The following NELL1 variants were observed in gnomAD, a reference collection of about 807,000 sequenced individuals.
NELL1 encodes the protein protein kinase C-binding protein NELL1.
A neutral mutation model predicts 107.4 loss-of-function variants in NELL1; 76 were observed. The observed-to-expected ratio is 0.71, with a 90% CI of 0.59 to 0.86. The LOEUF is 0.86. Ranked by LOEUF, NELL1 falls within the 40% of genes least tolerant of loss-of-function variation. The pLI is 0.00. For missense variants in NELL1, 1,024 were observed against 1,005.5 expected (o/e 1.02, Z -0.25); for synonymous variants, 353 against 341.2 (o/e 1.03, Z -0.38).
intron 14 of NELL1, among the ~76,000 whole-genome samples, chr11:21,259,246 C>T (rs771781368): frequency 4.6e-5 from 7 of 151,678 alleles, no homozygotes; most frequent in Admixed American, 6.6e-5. Flanking sequence ...GATGGAGAAA[C>T]GTTTGATAAC....
At chr11:20,706,098 G>C (rs1854944606) in intron 2 of NELL1, among the ~76,000 whole-genome samples, 1 of 152,190 alleles carries the variant, frequency 6.6e-6, no homozygotes, top group African/African-American at 2.4e-5. Context: ...CATTGTGGAA[G>C]ACAGTGTGGC....
chr11:20,815,717 A>G (rs959697212), intron 3 of NELL1, among the ~76,000 whole-genome samples: 1 of 152,108 alleles, frequency 6.6e-6, no homozygotes, highest in African/African-American at 2.4e-5. Flanking sequence ...CTTAGCCATA[A>G]ATTCTTTGCC....
At chr11:21,254,617 C>T (rs1858723752) in intron 14 of NELL1, among the ~76,000 whole-genome samples, 2 of 151,998 alleles carry the variant, frequency 1.3e-5, no homozygotes. Context: ...GTTTGTCTAC[C>T]AGCCATTTTC....
chr11:21,277,912 G>C (rs1044749420), intron 14 of NELL1, among the ~76,000 whole-genome samples: 3 of 152,236 alleles, frequency 2.0e-5, no homozygotes, highest in South Asian at 4.1e-4. Flanking sequence ...GGTGAGGGAA[G>C]GGGGAGGGAT....
intron 14 of NELL1, among the ~76,000 whole-genome samples, chr11:21,245,595 T>C (rs983997921): frequency 1.3e-5 from 2 of 152,208 alleles, no homozygotes; most frequent in African/African-American, 4.8e-5. Context: ...TTATTCACAC[T>C]GCACTGTACT....
chr11:21,039,535 TA>T, intron 12 of NELL1, among the ~76,000 whole-genome samples: 1 of 152,288 alleles, frequency 6.6e-6, no homozygotes, highest in Admixed American at 6.5e-5. Flanking sequence ...AGAAAAGTTT[TA>T]TATATGACCC....
intron 2 of NELL1, among the ~76,000 whole-genome samples, chr11:20,705,794 A>G (rs1191626192): frequency 2.0e-5 from 3 of 151,574 alleles, no homozygotes; most frequent in Non-Finnish European, 2.9e-5. Flanking sequence ...TCCAGAATCT[A>G]CAATGAACGC....
At chr11:21,530,030 G>A (rs2133966183) in intron 15 of NELL1, among the ~76,000 whole-genome samples, 1 of 152,064 alleles carries the variant, frequency 6.6e-6, no homozygotes, top group Admixed American at 6.5e-5. Context: ...GTATCTGGAG[G>A]GCAGAGACCT....
intron 15 of NELL1, among the ~76,000 whole-genome samples, chr11:21,428,291 G>A (rs1364450208): frequency 6.6e-6 from 1 of 152,132 alleles, no homozygotes; most frequent in Non-Finnish European, 1.5e-5. Context: ...AGAATAAGCA[G>A]AGTGTGGTCA....
chr11:20,912,132 G>C (rs1850146373), intron 5 of NELL1, among the ~76,000 whole-genome samples: 1 of 152,148 alleles, frequency 6.6e-6, no homozygotes, highest in African/African-American at 2.4e-5. Flanking sequence ...TATAGGCAAA[G>C]TAAAAGCAAA....
chr11:20,689,800 C>T (rs1283437422), intron 2 of NELL1, among the ~76,000 whole-genome samples: 34 of 151,788 alleles, frequency 2.2e-4, no homozygotes, highest in East Asian at 1.9e-4. Context: ...GGTATATACT[C>T]AGTAATGGGA....
chr11:21,486,145 A>G (rs1458761545), intron 15 of NELL1, among the ~76,000 whole-genome samples: 1 of 152,090 alleles, frequency 6.6e-6, no homozygotes, highest in Non-Finnish European at 1.5e-5. Flanking sequence ...CCAACATCCA[A>G]GCAAGCTACC....
At chr11:20,885,803 G>T (rs772062743) in intron 5 of NELL1, among the ~76,000 whole-genome samples, 10 of 152,192 alleles carry the variant, frequency 6.6e-5, no homozygotes, top group Non-Finnish European at 1.3e-4. Context: ...AGGTTATCCA[G>T]TTCACTCTGC....
At chr11:21,311,791 G>A (rs367840699) in intron 14 of NELL1, among the ~76,000 whole-genome samples, 1 of 152,064 alleles carries the variant, frequency 6.6e-6, no homozygotes, top group Non-Finnish European at 1.5e-5. Context: ...CTCAAACTCA[G>A]AGGTATTATT....
At chr11:21,130,074 GATA>G (rs1457564434) in intron 13 of NELL1, among the ~76,000 whole-genome samples, 3 of 152,156 alleles carry the variant, frequency 2.0e-5, no homozygotes, top group African/African-American at 7.2e-5. Context: ...GAGTTTTTCA[GATA>G]ATGTCAGGCA....
chr11:21,356,850 A>T (rs1273966646), intron 14 of NELL1, among the ~76,000 whole-genome samples: 2 of 152,072 alleles, frequency 1.3e-5, no homozygotes, highest in Non-Finnish European at 2.9e-5. Flanking sequence ...TATTATTCTT[A>T]GGCCTTTCTG....
chr11:20,756,134 C>A (rs541066339), intron 2 of NELL1, among the ~76,000 whole-genome samples: 39 of 152,020 alleles, frequency 2.6e-4, no homozygotes, highest in Admixed American at 5.2e-4. Context: ...CCTGCCTCGG[C>A]CCCCCAAAGT....
At chr11:20,712,457 C>G (rs565440420) in intron 2 of NELL1, among the ~76,000 whole-genome samples, 194 of 152,270 alleles carry the variant, frequency 1.3e-3, no homozygotes, top group Non-Finnish European at 2.0e-3. Context: ...GCTTAATAAT[C>G]AACCTTCTGA....
At chr11:21,410,662 T>C (rs1852353368) in intron 15 of NELL1, among the ~76,000 whole-genome samples, 1 of 152,076 alleles carries the variant, frequency 6.6e-6, no homozygotes, top group Admixed American at 6.6e-5. Context: ...ATGTAATATG[T>C]AATCTCTACC....
Sources: allele counts gnomAD v4.1 joint callset (sites outside exome capture counted in the v4.1 genomes callset), GRCh38; gene constraint gnomAD v4.1.1; transcripts MANE v1.5; gene names NCBI Gene and HGNC (gene_info 2026-07-23, HGNC 2026-07-21).